MCM2: variants seen among roughly 807,000 people sequenced by gnomAD.
MCM2 encodes the protein DNA replication licensing factor MCM2.
MCM2 carries 49 observed loss-of-function variants against 86.4 expected under a neutral mutation model. The ratio of observed to expected loss-of-function variants is 0.57; its 90% CI spans 0.45 to 0.72. MCM2 has a LOEUF of 0.72. Ranked by LOEUF, MCM2 falls within the 30% of genes least tolerant of loss-of-function variation. The pLI is 0.00. For missense variants in MCM2, 1,038 were observed against 1,259.9 expected, an observed-to-expected ratio of 0.82 and a Z score of 2.67; for synonymous variants, 475 against 484.6, an observed-to-expected ratio of 0.98 and a Z score of 0.26.
At chr3:127,611,650 C>T (rs1172163097) in intron 8 of MCM2, among the ~76,000 whole-genome samples, 2 of 148,104 alleles carry the variant, frequency 1.4e-5, no homozygotes, top group African/African-American at 5.0e-5. Context: ...ATTCCATCTC[C>T]AGCAGGAAGC....
chr3:127,617,716 C>T lies in MCM2; in HGVS notation c.1901-253C>T, dbSNP rs369827324. ...TCTCAGCAGCGAATGCGTAAAAGAA[C>T]CCAGGCTCTGTCACCCACTGTGTTC... On this transcript the variant is annotated intron_variant, in intron 11 of 15. Coordinates refer to ENST00000265056, the MANE Select transcript of MCM2 (RefSeq NM_004526.4). The surrounding 1 kb of genome is among the most constrained non-coding windows in gnomAD (Gnocchi z 4.1). 3.9e-5 allele frequency: 23 copies of T among 588,066 alleles called. No individual in the cohort carries two copies. The highest frequency in any genetic ancestry group is 7.0e-5 in the Non-Finnish European group (23 of 330,802). 36.4% of individuals were successfully genotyped at this position (588,066 alleles called of 1,614,324 possible).
intron 8 of MCM2, among the ~76,000 whole-genome samples, chr3:127,613,021 A>C (rs1347280408): frequency 6.6e-6 from 1 of 152,002 alleles, no homozygotes; most frequent in Non-Finnish European, 1.5e-5. Context: ...TTAGCCTGCT[A>C]CTCTCTCCTG....
intron 2 of MCM2, among the ~76,000 whole-genome samples, chr3:127,599,809 G>A (rs1393951985): frequency 6.6e-6 from 1 of 152,220 alleles, no homozygotes; most frequent in African/African-American, 2.4e-5. Flanking sequence ...GAATGTAGGG[G>A]TCTCTAATCT....
At position 127,620,891 on chromosome 3, in the gene MCM2, T is replaced by C. The variant is rs1482766133; in HGVS notation, c.2448+11T>C. ...CGCAGCATGCGCAAGGTGGGTGTGCTCCGAGGTAGGGGCCTGATGGGCAAG... is the reference window on the plus strand; with the variant it reads ...CGCAGCATGCGCAAGGTGGGTGTGCCCCGAGGTAGGGGCCTGATGGGCAAG... On this transcript the variant is annotated intron_variant, in intron 14 of 15. Coordinates refer to ENST00000265056, the MANE Select transcript of MCM2 (RefSeq NM_004526.4). 1 of 1,594,090 alleles carries C rather than the reference T, an allele frequency of 6.3e-7. No individual in the cohort carries two copies. The highest frequency in any genetic ancestry group is 8.6e-7 in the Non-Finnish European group (1 of 1,166,906).
chr3:127,619,401 A>G, intron 13 of MCM2, 123 bp downstream of exon 13: 1 of 892,204 alleles, frequency 1.1e-6, no homozygotes, highest in Non-Finnish European at 1.6e-6. Context: ...GGGAGGCATT[A>G]AAAAAAAAAT....
chr3:127,598,793 C>CT (rs113903465), intron 1 of MCM2: 7,257 of 367,234 alleles, frequency 0.02, 1 homozygote, highest in Middle Eastern at 0.025. Flanking sequence ...CTCCTTTAAA[C>CT]TTTTTTTTTT....
chr3:127,617,244 A>T lies in MCM2; in HGVS notation c.1774-35A>T, dbSNP rs1007851957. 1.3e-5 allele frequency: 21 copies of T among 1,613,334 alleles called. No individual in the cohort carries two copies. Among genetic ancestry groups the T allele is most frequent in the Non-Finnish European group, 1.6e-5 (19 of 1,179,544 alleles). On this transcript the variant is annotated intron_variant, in intron 10 of 15. Coordinates refer to ENST00000265056, the MANE Select transcript of MCM2 (RefSeq NM_004526.4). This position sits in a 1 kb window ranked among gnomAD's most constrained non-coding sequence, Gnocchi z 4.1. ...TCGGAGACTTAGTAGTAGGGGCGTG[A>T]ACCATGCTAAGGGTGGGCCATTTTA... is the stretch of plus-strand genomic sequence containing the variant.
At position 127,598,490 on chromosome 3, in the gene MCM2, T is replaced by TGGCG; in HGVS notation, c.6+27_6+30dup. 6.2e-6 allele frequency: 10 copies of TGGCG among 1,612,044 alleles called. No individual in the cohort carries two copies. Among genetic ancestry groups the TGGCG allele is most frequent in the Non-Finnish European group, 5.1e-6 (6 of 1,179,068 alleles). ...CTATGGCGGTGAGCGCGCTGGCGCG[T>TGGCG]GGCGGGCGGGCGCCGGGGACATGGG... On this transcript the variant is annotated intron_variant, in intron 1 of 15. Transcript: ENST00000265056.
At chr3:127,619,358 T>TG in intron 13 of MCM2, 80 bp downstream of exon 13, 3 of 1,524,902 alleles carry the variant, frequency 2.0e-6, no homozygotes, top group Non-Finnish European at 2.7e-6. Context: ...GCAGCGGGGG[T>TG]GGTGGTCAGT....
Position 127,619,047 on chromosome 3 carries a change from C to T in MCM2, c.2034C>T (p.Phe678=), listed in dbSNP as rs763949869. The T allele has an allele frequency of 3.7e-5, 59 of 1,605,804 alleles. No homozygotes were observed. The highest frequency in any genetic ancestry group is 5.5e-5 in the South Asian group (5 of 90,448). The change falls in exon 13 of 16, where the codon TTC becomes TTT. Residue 678 remains phenylalanine, a synonymous_variant. Coordinates refer to ENST00000265056, the MANE Select transcript of MCM2 (RefSeq NM_004526.4). ...DPVQDEMLAR[F]VVGSHVRHHP... ...CTTAGGACGAGATGCTGGCCCGCTTCGTGGTGGGCAGCCACGTCAGACACC... is the reference window on the plus strand; with the variant it reads ...CTTAGGACGAGATGCTGGCCCGCTTTGTGGTGGGCAGCCACGTCAGACACC...
At chr3:127,609,763 A>ATT (rs2074379069) in intron 8 of MCM2, among the ~76,000 whole-genome samples, 1 of 150,988 alleles carries the variant, frequency 6.6e-6, no homozygotes, top group Admixed American at 6.6e-5. Flanking sequence ...TCCTGCCCCC[A>ATT]GAGCACCGTG....
At chr3:127,607,642 C>T (rs1476364687) in intron 6 of MCM2, among the ~76,000 whole-genome samples, 1 of 152,214 alleles carries the variant, frequency 6.6e-6, no homozygotes, top group African/African-American at 2.4e-5. Flanking sequence ...CTTCTAGGGA[C>T]CTGAGATAGT....
At chr3:127,619,677 TCAAAAA>T (rs1322347005) in intron 13 of MCM2, among the ~76,000 whole-genome samples, 3 of 151,130 alleles carry the variant, frequency 2.0e-5, no homozygotes, top group East Asian at 2.0e-4. Context: ...AGACTCCATC[TCAAAAA>T]CAAAAACAAA....
rs1239458241 is a variant in MCM2, at chr3:127,608,471, TCTC to T, written c.1195_1197del (p.Leu399del). 7 of 1,614,140 alleles carry T rather than the reference TCTC, an allele frequency of 4.3e-6. No homozygotes were observed. Among genetic ancestry groups the T allele is most frequent in the South Asian group, 2.2e-5 (2 of 91,086 alleles). On this transcript the variant is annotated inframe_deletion, in exon 7 of 16. Coordinates refer to ENST00000265056, the MANE Select transcript of MCM2 (RefSeq NM_004526.4). ...GGCTGCCCCGCTCCAAGGACGCCAT[TCTC>T]CTCGCAGATCTGGTGGACAGCTGCA...
intron 8 of MCM2, among the ~76,000 whole-genome samples, chr3:127,611,861 G>A (rs1267511110): frequency 3.4e-5 from 5 of 148,410 alleles, no homozygotes; most frequent in African/African-American, 1.3e-4. Context: ...ACTACGCCCG[G>A]CTAATTTTTT....
In MCM2 at chr3:127,618,287, A is replaced by C. The variant is rs1403087220; in HGVS notation, c.2013+206A>C. Among the ~76,000 whole-genome samples the C allele has an allele frequency of 2.6e-5, 4 of 151,792 alleles. No individual in the cohort carries two copies. Among genetic ancestry groups the C allele is most frequent in the African/African-American group, 9.7e-5 (4 of 41,260 alleles). ...ACAGCACCCCCGACCCCCACCCTACATAACCCACAATCCACCAAATCCTGT... is the reference window on the plus strand; with the variant it reads ...ACAGCACCCCCGACCCCCACCCTACCTAACCCACAATCCACCAAATCCTGT... On this transcript the variant is annotated intron_variant, in intron 12 of 15. Coordinates refer to ENST00000265056, the MANE Select transcript of MCM2 (RefSeq NM_004526.4). This position sits in a 1 kb window ranked among gnomAD's most constrained non-coding sequence, Gnocchi z 4.0.
At chr3:127,598,610 C>A in intron 1 of MCM2, 138 bp downstream of exon 1, 1 of 1,205,790 alleles carries the variant, frequency 8.3e-7, no homozygotes, top group Non-Finnish European at 1.1e-6. Context: ...GCTACTTTCT[C>A]GCCTGCACCC....
In MCM2 at chr3:127,616,902, G is replaced by T. The variant is rs747123456; in HGVS notation, c.1557G>T (p.Val519=). 6 of 1,614,034 alleles carry T rather than the reference G, an allele frequency of 3.7e-6. No homozygotes were observed. The South Asian group carries it at 6.6e-5, about 18-fold the overall frequency. ...ACAAGGTACGTGGTGATATCAACGT[G>T]CTCTTGTGCGGAGACCCTGGCACAG... The part of the protein sequence containing the change: ...GKHKVRGDIN[V]LLCGDPGTAK... The change falls in exon 10 of 16, where the codon GTG becomes GTT. Residue 519 remains valine (V), a synonymous_variant. Coordinates refer to ENST00000265056, the MANE Select transcript of MCM2 (RefSeq NM_004526.4).
At chr3:127,619,339 C>T in intron 13 of MCM2, 61 bp downstream of exon 13, 1 of 1,568,812 alleles carries the variant, frequency 6.4e-7, no homozygotes, top group South Asian at 1.2e-5. Context: ...TGTGAGCCTT[C>T]TGACCAATGC....
Sources: gnomAD v4.1 joint callset for allele counts (sites outside exome capture counted in the v4.1 genomes callset) on GRCh38, gnomAD v4.1.1 for gene constraint, Gnocchi (gnomAD v3.1) non-coding constraint, MANE v1.5 for transcripts, NCBI Gene and HGNC (gene_info 2026-07-23, HGNC 2026-07-21) for gene names.